SOX5: variants seen among roughly 807,000 people sequenced by gnomAD.
SOX5 encodes transcription factor SOX-5.
SOX5 carries 9 observed loss-of-function variants against 92.0 expected under a neutral mutation model. The observed-to-expected ratio is 0.10, with a 90% confidence interval of 0.06 to 0.17. The LOEUF (loss-of-function observed/expected upper bound fraction) is 0.17, where lower values mean the gene tolerates loss of function less well. Ranked by LOEUF, SOX5 falls within the 10% of genes least tolerant of loss-of-function variation. The probability of loss-of-function intolerance (pLI) is 1.00; values close to 1 mark genes in which losing one functional copy is unlikely to be tolerated. For synonymous variants in SOX5, 344 were observed against 336.3 expected (o/e 1.02, Z -0.25); for missense variants, 642 against 944.5 (o/e 0.68, Z 4.20).
chr12:23,741,281 A>T, intron 4 of SOX5, among the ~76,000 whole-genome samples: 1 of 152,190 alleles, frequency 6.6e-6, no homozygotes, highest in Non-Finnish European at 1.5e-5. Context: ...CTTCAAATGA[A>T]ATTCCATAAT....
At chr12:23,995,532 CA>C (rs941213771) in intron 4 of SOX5, among the ~76,000 whole-genome samples, 1 of 151,880 alleles carries the variant, frequency 6.6e-6, no homozygotes, top group Non-Finnish European at 1.5e-5. Context: ...TCTGTGTCTA[CA>C]AAAAAACTTT....
Position 23,700,977 on chromosome 12 carries a change from A to G in SOX5, c.810+33707T>C, listed in dbSNP as rs1179671623. Among the ~76,000 whole-genome samples, 3 of 151,804 alleles carry G rather than the reference A, an allele frequency of 2.0e-5. No homozygotes were observed. In the East Asian group the frequency reaches 5.8e-4, roughly 29 times the overall value. ...TATGTGTGTATATATATACAAACAC[A>G]CACATATATCTCAGTCTTAATTTCA... On this transcript the variant is annotated intron_variant, in intron 6 of 14. Coordinates refer to ENST00000451604, the MANE Select transcript of SOX5 (RefSeq NM_006940.6).
At chr12:24,078,458 TGAGA>T (rs1942923720) in intron 4 of SOX5, among the ~76,000 whole-genome samples, 2 of 151,696 alleles carry the variant, frequency 1.3e-5, no homozygotes, top group Non-Finnish European at 2.9e-5. Flanking sequence ...TCTATTGGAG[TGAGA>T]GAGATAAGGG....
rs1255605440 is a variant in SOX5, at chr12:24,088,573, T to A, written c.-2+124770A>T. Among the ~76,000 whole-genome samples, 3 of 151,794 alleles carry A rather than the reference T, an allele frequency of 2.0e-5. No homozygotes were observed. In the East Asian group the frequency reaches 5.8e-4, roughly 29 times the overall value. On this transcript the variant is annotated intron_variant, in intron 4 of 4. Coordinates refer to the SOX5 transcript ENST00000446891. ...TGAATCTAAGCAAATATTCTAGAGA[T>A]CTGATATTAATGAAGATGTGACTTA...
chr12:24,377,288 T>G (rs12827160), intron 1 of SOX5, among the ~76,000 whole-genome samples: 13,258 of 152,232 alleles, frequency 0.087, 659 homozygotes, highest in Middle Eastern at 0.15. Context: ...ACAGAGAGAT[T>G]AAGAAATGTG....
intron 2 of SOX5, among the ~76,000 whole-genome samples, chr12:24,343,701 C>T (rs1016541974): frequency 6.6e-6 from 1 of 151,956 alleles, no homozygotes; most frequent in Non-Finnish European, 1.5e-5. Flanking sequence ...ATTTACTAAA[C>T]TAATAATTGA....
intron 2 of SOX5, among the ~76,000 whole-genome samples, chr12:24,327,061 A>G (rs993282126): frequency 1.3e-5 from 2 of 152,320 alleles, no homozygotes; most frequent in African/African-American, 4.8e-5. Context: ...ACAATGGCAT[A>G]GCATTTGGGA....
chr12:23,549,933 A>G (rs777911052), intron 11 of SOX5, among the ~76,000 whole-genome samples: 20 of 151,986 alleles, frequency 1.3e-4, no homozygotes, highest in South Asian at 1.0e-3. Context: ...TGTAGACCAC[A>G]TGGTTTCCTG....
intron 1 of SOX5, among the ~76,000 whole-genome samples, chr12:23,917,367 C>G (rs1181358220): frequency 6.6e-6 from 1 of 151,792 alleles, no homozygotes; most frequent in Non-Finnish European, 1.5e-5. Flanking sequence ...ATGGTGAAAC[C>G]CTGTCTCTAC....
At chr12:24,105,754 T>C (rs1946599637) in intron 4 of SOX5, among the ~76,000 whole-genome samples, 1 of 152,204 alleles carries the variant, frequency 6.6e-6, no homozygotes, top group Non-Finnish European at 1.5e-5. Context: ...TTCCGAGTCA[T>C]TTTATGTTAC....
chr12:23,884,298 C>T (rs2097035120), intron 2 of SOX5, among the ~76,000 whole-genome samples: 1 of 152,106 alleles, frequency 6.6e-6, no homozygotes, highest in Non-Finnish European at 1.5e-5. Flanking sequence ...GGAATTTACC[C>T]AGTAATTTTG....
intron 3 of SOX5, among the ~76,000 whole-genome samples, chr12:24,234,564 G>C (rs1308324554): frequency 6.6e-6 from 1 of 152,042 alleles, no homozygotes; most frequent in Non-Finnish European, 1.5e-5. Context: ...TTTTAGTAGA[G>C]ACAGGGTTTC....
At chr12:24,392,079 T>C (rs188738112) in intron 1 of SOX5, among the ~76,000 whole-genome samples, 1 of 152,166 alleles carries the variant, frequency 6.6e-6, no homozygotes, top group Non-Finnish European at 1.5e-5. Context: ...CCTCATCTCC[T>C]GCATTCAGCT....
intron 8 of SOX5, among the ~76,000 whole-genome samples, chr12:23,635,512 G>A (rs886523593): frequency 2.6e-5 from 4 of 151,928 alleles, no homozygotes; most frequent in Admixed American, 6.6e-5. Context: ...ACACCACACC[G>A]GGGCCTGTCG....
intron 1 of SOX5, among the ~76,000 whole-genome samples, chr12:23,897,273 A>G (rs1595468356): frequency 6.6e-6 from 1 of 152,246 alleles, no homozygotes; most frequent in South Asian, 2.1e-4. Flanking sequence ...CTAATCATTG[A>G]TGAATAATGT....
chr12:23,538,074 GGCCTTATACCT>G (rs1351543110), intron 13 of SOX5, among the ~76,000 whole-genome samples: 1 of 151,986 alleles, frequency 6.6e-6, no homozygotes, highest in Non-Finnish European at 1.5e-5. Context: ...CCTACCAAAT[GGCCTTATACCT>G]GCCTTCAAAT....
intron 7 of SOX5, among the ~76,000 whole-genome samples, chr12:23,648,317 A>AAACACACTAAAGCC (rs2081132910): frequency 6.6e-6 from 1 of 152,216 alleles, no homozygotes; most frequent in Non-Finnish European, 1.5e-5. Context: ...ACACTAAAGC[A>AAACACACTAAAGCC]AAACACAGTA....
intron 3 of SOX5, among the ~76,000 whole-genome samples, chr12:23,790,341 T>C (rs544176684): frequency 1.1e-3 from 161 of 152,262 alleles, no homozygotes; most frequent in African/African-American, 3.8e-3. Flanking sequence ...GTATTAAATA[T>C]GAATAAAGTT....
upstream of SOX5, among the ~76,000 whole-genome samples, chr12:23,954,313 T>C (rs1240494337): frequency 6.6e-6 from 1 of 152,030 alleles, no homozygotes; most frequent in Non-Finnish European, 1.5e-5. Flanking sequence ...ACAATGTATT[T>C]AAAGCATATC....
Sources: gnomAD v4.1 joint callset for allele counts (sites outside exome capture counted in the v4.1 genomes callset) on GRCh38, gnomAD v4.1.1 for gene constraint, MANE v1.5 for transcripts, NCBI Gene and HGNC (gene_info 2026-07-23, HGNC 2026-07-21) for gene names.